Variants in GABRB1 observed in about 807,000 individuals in gnomAD.
GABRB1 encodes gamma-aminobutyric acid receptor subunit beta-1.
A neutral mutation model predicts 51.6 loss-of-function variants in GABRB1; 17 were observed. The observed-to-expected ratio is 0.33, with a 90% CI of 0.23 to 0.49. The LOEUF (loss-of-function observed/expected upper bound fraction) is 0.49, where lower values mean the gene tolerates loss of function less well. Among genes scored for constraint, GABRB1 ranks in the 20% least tolerant of loss-of-function variants. The pLI, the probability that GABRB1 is intolerant of heterozygous loss-of-function variation, is 0.99. For synonymous variants in GABRB1, 247 were observed against 218.9 expected (o/e 1.13, Z -1.14); for missense variants, 410 against 600.6 (o/e 0.68, Z 3.32).
intron 4 of GABRB1, among the ~76,000 whole-genome samples, chr4:47,229,302 T>C (rs945086234): frequency 6.6e-5 from 10 of 152,192 alleles, no homozygotes; most frequent in Admixed American, 1.3e-4. Flanking sequence ...ATTTTTATGG[T>C]TTATTTAAAA....
chr4:47,090,741 G>A (rs1053142289), intron 3 of GABRB1, among the ~76,000 whole-genome samples: 6 of 152,136 alleles, frequency 3.9e-5, no homozygotes, highest in East Asian at 3.9e-4. Context: ...GGCGAGTGTC[G>A]ATGGACTAGA....
At chr4:47,333,235 TAC>T (rs1181546351) in intron 5 of GABRB1, among the ~76,000 whole-genome samples, 443 of 33,220 alleles carry the variant, frequency 0.013, 13 homozygotes, top group African/African-American at 0.028. Context: ...TATATATATA[TAC>T]ACACCACGTA....
At chr4:47,166,824 C>A (rs1166859935) in intron 4 of GABRB1, among the ~76,000 whole-genome samples, 1 of 152,094 alleles carries the variant, frequency 6.6e-6, no homozygotes, top group African/African-American at 2.4e-5. Flanking sequence ...TCTCTGCCCC[C>A]ACTCCACCAC....
chr4:47,042,441 A>ATATATAT (rs369535271), intron 3 of GABRB1, among the ~76,000 whole-genome samples: 64 of 117,238 alleles, frequency 5.5e-4, no homozygotes, highest in South Asian at 9.3e-4. Flanking sequence ...TATATATATA[A>ATATATAT]AATACGTGTG....
chr4:47,199,808 T>C (rs936637823), intron 4 of GABRB1, among the ~76,000 whole-genome samples: 4 of 152,126 alleles, frequency 2.6e-5, no homozygotes, highest in Non-Finnish European at 5.9e-5. Context: ...GGAAGAATGA[T>C]ACAAAAGAGT....
intron 3 of GABRB1, among the ~76,000 whole-genome samples, chr4:47,056,368 T>C (rs1250156740): frequency 6.6e-6 from 1 of 152,182 alleles, no homozygotes; most frequent in Non-Finnish European, 1.5e-5. Context: ...CACTCTTGAG[T>C]TTGCCTGGAC....
At chr4:47,010,220 CT>C (rs1007444641) in intron 1 of GABRB1, among the ~76,000 whole-genome samples, 4 of 152,136 alleles carry the variant, frequency 2.6e-5, no homozygotes, top group African/African-American at 7.2e-5. Flanking sequence ...CAAAGTATTT[CT>C]TTTTAAAAAA....
chr4:47,019,625 CTCTTTCTTTCTTTCTT>C lies in GABRB1; in HGVS notation c.-19-12250_-19-12235del, dbSNP rs1157555893. 6.8e-3 allele frequency among the ~76,000 whole-genome samples: 615 copies of C among 91,098 alleles called. 5 individuals are homozygous for C. The highest frequency in any genetic ancestry group is 0.023 in the African/African-American group (519 of 22,622). 59.8% of individuals were successfully genotyped at this position (91,098 alleles called of 152,430 possible). A position where few individuals can be genotyped will look rare whatever the true frequency, so the allele number is the denominator to read the frequency against. On this transcript the variant is annotated intron_variant, in intron 1 of 3. Transcript: ENST00000513567. ...TCCTCCCTTCTTTCTTTCTTTCTCT[CTCTTTCTTTCTTTCTT>C]TCTTTCTTTCTTTCTTTCTTTCTTT... is the stretch of plus-strand genomic sequence containing the variant.
chr4:47,142,039 C>T (rs1369453950), intron 3 of GABRB1, among the ~76,000 whole-genome samples: 1 of 151,846 alleles, frequency 6.6e-6, no homozygotes, highest in African/African-American at 2.4e-5. Flanking sequence ...ATAATTCCAT[C>T]CCTAAGGGAG....
chr4:47,350,286 T>TATATAG (rs1553877291), intron 5 of GABRB1, among the ~76,000 whole-genome samples: 26 of 139,944 alleles, frequency 1.9e-4, no homozygotes, highest in African/African-American at 7.0e-4. Flanking sequence ...TATATATATA[T>TATATAG]AGAGAGAGAG....
intron 4 of GABRB1, among the ~76,000 whole-genome samples, chr4:47,272,551 T>A (rs953268542): frequency 3.4e-4 from 52 of 152,152 alleles, no homozygotes; most frequent in African/African-American, 1.1e-3. Context: ...AAATTATAAC[T>A]GGTAATTACA....
At chr4:47,012,262 TGGGG>T (rs1724603598) in intron 1 of GABRB1, among the ~76,000 whole-genome samples, 1 of 152,212 alleles carries the variant, frequency 6.6e-6, no homozygotes, top group Non-Finnish European at 1.5e-5. Flanking sequence ...ACATGCATCA[TGGGG>T]GTTTGTTGTA....
At chr4:47,279,844 G>A (rs934603724) in intron 4 of GABRB1, among the ~76,000 whole-genome samples, 5 of 149,218 alleles carry the variant, frequency 3.4e-5, no homozygotes, top group Admixed American at 2.7e-4. Context: ...ATATAGTTTG[G>A]TCTTTTTTTT....
At chr4:47,026,455 A>C (rs953803688) in intron 1 of GABRB1, among the ~76,000 whole-genome samples, 1 of 152,104 alleles carries the variant, frequency 6.6e-6, no homozygotes, top group Non-Finnish European at 1.5e-5. Flanking sequence ...AACAGTAAAC[A>C]GTAAAATCTA....
At chr4:47,373,200 C>T (rs569454949) in intron 5 of GABRB1, among the ~76,000 whole-genome samples, 1 of 152,320 alleles carries the variant, frequency 6.6e-6, no homozygotes, top group South Asian at 2.1e-4. Context: ...AACCTATACC[C>T]TGACTATTTT....
chr4:47,161,886 G>A (rs901904408), intron 4 of GABRB1, among the ~76,000 whole-genome samples: 24 of 151,910 alleles, frequency 1.6e-4, no homozygotes, highest in African/African-American at 5.3e-4. Flanking sequence ...ACACTAAGCT[G>A]AAAATCCAAT....
At chr4:47,303,045 TG>T in intron 4 of GABRB1, among the ~76,000 whole-genome samples, 1 of 151,914 alleles carries the variant, frequency 6.6e-6, no homozygotes, top group Non-Finnish European at 1.5e-5. Flanking sequence ...TTTAGGGGTT[TG>T]TTTTGTTGTT....
chr4:47,360,009 C>T (rs1726741571), intron 5 of GABRB1, among the ~76,000 whole-genome samples: 1 of 151,848 alleles, frequency 6.6e-6, no homozygotes, highest in Non-Finnish European at 1.5e-5. Context: ...ACTCTGGGAG[C>T]CTGTTACATT....
intron 1 of GABRB1, among the ~76,000 whole-genome samples, chr4:47,013,571 C>A (rs188582315): frequency 1.3e-5 from 2 of 152,178 alleles, no homozygotes; most frequent in East Asian, 3.8e-4. Context: ...AATGCTGTTT[C>A]ATCAGTTTAT....
Sources: allele counts gnomAD v4.1 joint callset (sites outside exome capture counted in the v4.1 genomes callset), GRCh38; gene constraint gnomAD v4.1.1; transcripts MANE v1.5; gene names NCBI Gene and HGNC (gene_info 2026-07-23, HGNC 2026-07-21).